SEMA6D: variants seen among roughly 807,000 people sequenced by gnomAD.
The protein encoded by SEMA6D is semaphorin 6D, also known as semaphorin-6D.
Under a neutral mutation model 106.6 loss-of-function variants are expected in SEMA6D, and 35 were observed. That is an observed-to-expected ratio of 0.33 (90% confidence interval 0.25 to 0.44). The LOEUF (loss-of-function observed/expected upper bound fraction) is 0.44. Among genes scored for constraint, SEMA6D ranks in the 20% least tolerant of loss-of-function variants. The pLI is 1.00. For synonymous variants in SEMA6D, 499 were observed against 487.7 expected, an observed-to-expected ratio of 1.02 and a Z score of -0.31; for missense variants, 1,185 against 1,345.9, an observed-to-expected ratio of 0.88 and a Z score of 1.87.
intron 1 of SEMA6D, among the ~76,000 whole-genome samples, chr15:47,342,952 A>T (rs1687928493): frequency 6.6e-6 from 1 of 152,070 alleles, no homozygotes; most frequent in Non-Finnish European, 1.5e-5. Context: ...ACCTCATGTG[A>T]TTTGCCCGCC....
At chr15:47,248,707 A>G (rs932402937) in intron 1 of SEMA6D, among the ~76,000 whole-genome samples, 1 of 152,176 alleles carries the variant, frequency 6.6e-6, no homozygotes. Flanking sequence ...CTGATTTACA[A>G]TGTAGAATGT....
At chr15:47,250,399 A>G (rs2033449605) in intron 1 of SEMA6D, among the ~76,000 whole-genome samples, 1 of 151,970 alleles carries the variant, frequency 6.6e-6, no homozygotes, top group Non-Finnish European at 1.5e-5. Flanking sequence ...AGAGAAAGAG[A>G]AAGAAAGAGA....
At chr15:47,615,658 T>C (rs546655259) in intron 4 of SEMA6D, among the ~76,000 whole-genome samples, 1 of 152,234 alleles carries the variant, frequency 6.6e-6, no homozygotes, top group Admixed American at 6.5e-5. Flanking sequence ...ATTTGAATAG[T>C]TGGCTTCGGG....
intron 1 of SEMA6D, among the ~76,000 whole-genome samples, chr15:47,280,218 C>G (rs888042154): frequency 1.3e-5 from 2 of 152,056 alleles, no homozygotes; most frequent in African/African-American, 4.8e-5. Context: ...TGTTATTGGT[C>G]TATTCAGAGA....
chr15:47,189,187 T>C (rs1893783630), intron 1 of SEMA6D, among the ~76,000 whole-genome samples: 1 of 152,208 alleles, frequency 6.6e-6, no homozygotes, highest in Admixed American at 6.5e-5. Context: ...CTTCTCTTTC[T>C]TGATTCCTCT....
intron 4 of SEMA6D, among the ~76,000 whole-genome samples, chr15:47,617,832 G>A (rs2077034581): frequency 6.6e-6 from 1 of 152,182 alleles, no homozygotes; most frequent in African/African-American, 2.4e-5. Flanking sequence ...CTGGCACAAA[G>A]CAAGAGCTAG....
chr15:47,313,115 C>T lies in SEMA6D; in HGVS notation c.-238-99278C>T, dbSNP rs144501336. ...ATGTTTGTTTCAGCTGATGAATCTTCATTGACACATCATAATTGCCCAAAC... is the reference window on the plus strand; with the variant it reads ...ATGTTTGTTTCAGCTGATGAATCTTTATTGACACATCATAATTGCCCAAAC... On this transcript the variant is annotated intron_variant, in intron 1 of 19. Transcript: ENST00000558014. Among the ~76,000 whole-genome samples the T allele has an allele frequency of 1.2e-3, 177 of 152,228 alleles. 1 individual carries two copies. The highest frequency in any genetic ancestry group is 4.0e-3 in the African/African-American group (166 of 41,526).
intron 2 of SEMA6D, among the ~76,000 whole-genome samples, chr15:47,416,376 A>G (rs767670552): frequency 6.6e-6 from 1 of 152,142 alleles, no homozygotes; most frequent in African/African-American, 2.4e-5. Flanking sequence ...CTTGGTCACA[A>G]AATTCGGAAA....
chr15:47,500,711 T>G (rs1357440685), intron 3 of SEMA6D, among the ~76,000 whole-genome samples: 1 of 152,174 alleles, frequency 6.6e-6, no homozygotes, highest in East Asian at 1.9e-4. Flanking sequence ...AATTTGTCAC[T>G]TCTGCTCTTC....
At chr15:47,512,275 A>G (rs571715426) in intron 3 of SEMA6D, among the ~76,000 whole-genome samples, 43 of 152,304 alleles carry the variant, frequency 2.8e-4, no homozygotes, top group African/African-American at 8.9e-4. Context: ...ACCCTCTTCA[A>G]TTGAGCAGTT....
At chr15:47,222,269 G>A (rs1263391129) in intron 1 of SEMA6D, among the ~76,000 whole-genome samples, 1 of 152,206 alleles carries the variant, frequency 6.6e-6, no homozygotes, top group African/African-American at 2.4e-5. Flanking sequence ...AATGGAGCAA[G>A]CAGTCATGGA....
At chr15:47,735,756 C>T (rs553992605) in intron 1 of SEMA6D, among the ~76,000 whole-genome samples, 3 of 152,132 alleles carry the variant, frequency 2.0e-5, no homozygotes, top group African/African-American at 2.4e-5. Context: ...AGCCTGCCGT[C>T]GGCCTGAAGA....
intron 3 of SEMA6D, among the ~76,000 whole-genome samples, chr15:47,578,174 C>T (rs1363523492): frequency 6.6e-6 from 1 of 152,130 alleles, no homozygotes; most frequent in Non-Finnish European, 1.5e-5. Flanking sequence ...TCTCTGATTC[C>T]AAATCTTGTG....
chr15:47,709,256 C>T (rs2078970720), intron 4 of SEMA6D, among the ~76,000 whole-genome samples: 1 of 152,136 alleles, frequency 6.6e-6, no homozygotes, highest in African/African-American at 2.4e-5. Flanking sequence ...TCTGCTGGAG[C>T]AATTACCTCC....
At chr15:47,711,835 A>G (rs1451625152) in intron 4 of SEMA6D, among the ~76,000 whole-genome samples, 3 of 152,172 alleles carry the variant, frequency 2.0e-5, no homozygotes, top group Non-Finnish European at 4.4e-5. Context: ...CCAGAATTCT[A>G]TTCTCTTTTC....
chr15:47,335,373 C>T (rs1424854108), intron 1 of SEMA6D, among the ~76,000 whole-genome samples: 2 of 151,928 alleles, frequency 1.3e-5, no homozygotes, highest in Non-Finnish European at 2.9e-5. Flanking sequence ...GAGTTTGTTC[C>T]CAAGGAAGCA....
rs559775908 is a variant in SEMA6D, at chr15:47,467,649, G to A, written c.-158-2825G>A. On this transcript the variant is annotated intron_variant, in intron 2 of 19. Coordinates refer to the SEMA6D transcript ENST00000558014. The stretch of plus-strand genomic sequence containing the variant: ...CTTAGGTGCTTGCGAAATGGAAGTG[G>A]AGCTGTTTCTCTCTTTTTTACACAT... Among the ~76,000 whole-genome samples, 4 of 152,266 alleles carry A rather than the reference G, an allele frequency of 2.6e-5. No homozygotes were observed. The East Asian group carries it at 5.8e-4, about 22-fold the overall frequency.
Position 47,558,901 on chromosome 15 carries a change from A to G in SEMA6D, c.-86-41964A>G, listed in dbSNP as rs2045992904. Among the ~76,000 whole-genome samples, 5 of 152,214 alleles carry G rather than the reference A, an allele frequency of 3.3e-5. No homozygotes were observed. The South Asian group carries it at 1.0e-3, about 32-fold the overall frequency. ...AGAGAAGGGAAGTGGAGTGAGTTGA[A>G]GTAATTAGGAACAACTTTATAAAGG... On this transcript the variant is annotated intron_variant, in intron 3 of 19. Coordinates refer to the SEMA6D transcript ENST00000558014.
intron 4 of SEMA6D, among the ~76,000 whole-genome samples, chr15:47,608,338 A>G (rs937409759): frequency 6.6e-6 from 1 of 152,204 alleles, no homozygotes; most frequent in African/African-American, 2.4e-5. Flanking sequence ...AAACTGGACT[A>G]ATTACATCTA....
Sources: allele counts gnomAD v4.1 joint callset (sites outside exome capture counted in the v4.1 genomes callset), GRCh38; gene constraint gnomAD v4.1.1; transcripts MANE v1.5; gene names NCBI Gene and HGNC (gene_info 2026-07-23, HGNC 2026-07-21).